Variants in MTIF2 observed in about 807,000 individuals in gnomAD.
MTIF2 encodes mitochondrial translational initiation factor 2, also known as translation initiation factor IF-2, mitochondrial.
A neutral mutation model predicts 83.5 loss-of-function variants in MTIF2; 71 were observed. The ratio of observed to expected loss-of-function variants is 0.85; its 90% CI spans 0.70 to 1.04. MTIF2 has a LOEUF of 1.04. Ranked by LOEUF, MTIF2 falls within the 50% of genes least tolerant of loss-of-function variation. The pLI is 0.00. For synonymous variants in MTIF2, 319 were observed against 287.1 expected (o/e 1.11, Z -1.12); for missense variants, 957 against 846.5 (o/e 1.13, Z -1.62).
Position 55,254,741 on chromosome 2 carries a change from T to C in MTIF2, c.416A>G (p.Lys139Arg). 1.9e-6 allele frequency: 3 copies of C among 1,611,460 alleles called. No individual in the cohort carries two copies. The highest frequency in any genetic ancestry group is 2.5e-6 in the Non-Finnish European group (3 of 1,178,936). The change falls in exon 6 of 16, where the codon AAA (lysine) becomes AGA (arginine). Residue 139 changes from lysine (K) to arginine (R), a missense_variant. Physicochemically the swap from Lys to Arg is conservative, Grantham distance 26. This residue lies in a region of MTIF2 where 733 missense variants were observed against 648.7 expected (regional missense o/e 1.13). Transcript: ENST00000263629. ...CATCCCTGCCTTCGTTATCACTTCT[T>C]TGATCCAGACTTCATCTAAATGTGA... is the stretch of plus-strand genomic sequence containing the variant. The part of the protein sequence containing the change: ...ADSHLDEVWI[K>R]EVITKAGMKL...
At position 55,262,444 on chromosome 2, in the gene MTIF2, A is replaced by G. The variant is rs1406751126; in HGVS notation, c.220-17T>C. On this transcript the variant is annotated splice_polypyrimidine_tract_variant and intron_variant, in intron 4 of 15. Coordinates refer to ENST00000263629, the MANE Select transcript of MTIF2 (RefSeq NM_002453.3). ...TCCTTCTTCCTATTAAAAAAATCAG[A>G]ACATATAAACAAAAAGGAAGAAAAA... The G allele has an allele frequency of 6.5e-7, 1 of 1,535,390 alleles. No individual in the cohort carries two copies. Among genetic ancestry groups the G allele is most frequent in the Non-Finnish European group, 8.9e-7 (1 of 1,120,604 alleles).
Position 55,252,623 on chromosome 2 carries a change from A to C in MTIF2, c.695T>G (p.Phe232Cys). The C allele has an allele frequency of 6.2e-7, 1 of 1,613,520 alleles. No homozygotes were observed. The highest frequency in any genetic ancestry group is 8.5e-7 in the Non-Finnish European group (1 of 1,179,718). Residue 232 changes from phenylalanine (F) to cysteine (C), a missense_variant, in exon 8 of 16, where the codon TTT becomes TGT. Coordinates refer to ENST00000263629, the MANE Select transcript of MTIF2 (RefSeq NM_002453.3). Reference protein sequence around the residue: ...VSLPSGEKITFLDTPGHAAFS... With the variant: ...VSLPSGEKITCLDTPGHAAFS... ...AGCAGCATGTCCTGGAGTATCAAGA[A>C]AAGTTATCTTTTCCCCAGAAGGCAG... is the stretch of plus-strand genomic sequence containing the variant.
intron 3 of MTIF2, among the ~76,000 whole-genome samples, chr2:55,265,722 G>C (rs1324918133): frequency 1.3e-5 from 2 of 151,670 alleles, no homozygotes; most frequent in Admixed American, 6.6e-5. Flanking sequence ...TATTAATTTT[G>C]TTTTACAACT....
intron 5 of MTIF2, among the ~76,000 whole-genome samples, chr2:55,258,566 C>T (rs571037553): frequency 6.6e-6 from 1 of 152,152 alleles, no homozygotes; most frequent in South Asian, 2.1e-4. Flanking sequence ...AATCCCAGAA[C>T]TTTGGGAGGC....
chr2:55,254,545 CAT>C lies in MTIF2; in HGVS notation c.503+107_503+108del, dbSNP rs112065242. 44 of 913,872 alleles carry C rather than the reference CAT, an allele frequency of 4.8e-5. 1 individual carries two copies. The highest frequency in any genetic ancestry group is 2.4e-4 in the South Asian group (12 of 49,250). 56.6% of individuals were successfully genotyped at this position (913,872 alleles called of 1,614,324 possible). Reference sequence around the variant, plus strand: ...TTAAGTACTTCGAAGTTTATACACACATATCTTTATTACAAAAGAAATTTTAA... The same window carrying C: ...TTAAGTACTTCGAAGTTTATACACACATCTTTATTACAAAAGAAATTTTAA... On this transcript the variant is annotated intron_variant, in intron 6 of 15. Coordinates refer to ENST00000263629, the MANE Select transcript of MTIF2 (RefSeq NM_002453.3).
intron 3 of MTIF2, 113 bp from the exon 4 acceptor site, chr2:55,263,978 CAAT>C (rs1678240223): frequency 3.8e-6 from 3 of 780,276 alleles, no homozygotes; most frequent in East Asian, 2.6e-5. Flanking sequence ...AGACTTACAA[CAAT>C]GAGTAAAACT....
chr2:55,252,723 C>T (rs778803970), intron 7 of MTIF2, 70 bp from the exon 8 acceptor site: 18 of 1,069,162 alleles, frequency 1.7e-5, no homozygotes, highest in Admixed American at 7.5e-5. Flanking sequence ...AGAATATATG[C>T]GACATTATCA....
At chr2:55,254,852 A>G (rs552262884) in intron 5 of MTIF2, 27 bp from the exon 6 acceptor site, 1 of 1,409,134 alleles carries the variant, frequency 7.1e-7, no homozygotes, top group Admixed American at 2.7e-5. Context: ...AAAACCTTTT[A>G]GGATCATTAA....
intron 13 of MTIF2, 80 bp from the exon 14 acceptor site, chr2:55,240,255 G>C: frequency 7.7e-7 from 1 of 1,298,772 alleles, no homozygotes; most frequent in Non-Finnish European, 1.1e-6. Flanking sequence ...GCAGAAACTT[G>C]AATCTAAATT....
chr2:55,260,910 G>A (rs1053669217), intron 5 of MTIF2, among the ~76,000 whole-genome samples: 4 of 151,582 alleles, frequency 2.6e-5, no homozygotes, highest in East Asian at 3.9e-4. Flanking sequence ...CACAATGAAG[G>A]AATATAAAAA....
At chr2:55,256,119 C>CCT (rs1411268012) in intron 5 of MTIF2, among the ~76,000 whole-genome samples, 1 of 152,154 alleles carries the variant, frequency 6.6e-6, no homozygotes, top group African/African-American at 2.4e-5. Context: ...AGGTGATCCG[C>CCT]CTGCCTCGGC....
chr2:55,242,597 G>A (rs1676405083), intron 13 of MTIF2, among the ~76,000 whole-genome samples: 1 of 152,184 alleles, frequency 6.6e-6, no homozygotes, highest in Non-Finnish European at 1.5e-5. Flanking sequence ...GGAACATTCA[G>A]AAGTCTGATG....
intron 4 of MTIF2, 111 bp from the exon 5 acceptor site, chr2:55,262,538 TTTC>T (rs1281765078): frequency 1.7e-5 from 8 of 483,992 alleles, no homozygotes; most frequent in South Asian, 9.0e-5. Flanking sequence ...TTTCTTTTTT[TTTC>T]TTTTTTTTTT....
At chr2:55,254,009 C>T (rs768836843) in intron 7 of MTIF2, 32 bp downstream of exon 7, 2 of 1,608,440 alleles carry the variant, frequency 1.2e-6, no homozygotes, top group Non-Finnish European at 1.7e-6. Flanking sequence ...GTGGGGTTCC[C>T]AAGCACATTG....
rs1268583971 is a variant in MTIF2 at position 55,237,347 on chromosome 2, C to T, written c.1952G>A (p.Gly651Glu). 1 of 1,612,962 alleles carries T rather than the reference C, an allele frequency of 6.2e-7. No homozygotes were observed. The highest frequency in any genetic ancestry group is 1.7e-5 in the Admixed American group (1 of 59,980). Residue 651 changes from glycine to glutamate, a missense_variant, in exon 15 of 16, where the codon GGA becomes GAA. Gly to Glu is a moderately conservative substitution (Grantham distance 98, BLOSUM62 -2). This residue lies in a region of MTIF2 where 221 missense variants were observed against 180.6 expected (regional missense o/e 1.22). Transcript: ENST00000263629. ...AAATTTTTTTTGTTTTTCTAACTGT[C>T]CCTTTTGGACTCTGCAGCCAGCCAC... ...VPVAGCRVQKGQLEKQKKFKL... is the reference protein window; with the variant it reads ...VPVAGCRVQKEQLEKQKKFKL...
chr2:55,238,541 G>A (rs778045437), intron 14 of MTIF2, among the ~76,000 whole-genome samples: 45 of 152,056 alleles, frequency 3.0e-4, no homozygotes, highest in Middle Eastern at 6.8e-3. Context: ...ACAGGAATGC[G>A]CCACCACGCC....
chr2:55,258,975 T>A (rs1677755650), intron 5 of MTIF2, among the ~76,000 whole-genome samples: 1 of 152,004 alleles, frequency 6.6e-6, no homozygotes, highest in Non-Finnish European at 1.5e-5. Flanking sequence ...AGTGAAACTC[T>A]GTTCAAAAAA....
At chr2:55,249,228 TCCTAA>T (rs1214635215) in intron 9 of MTIF2, among the ~76,000 whole-genome samples, 162 bp downstream of exon 9, 1 of 152,166 alleles carries the variant, frequency 6.6e-6, no homozygotes, top group Non-Finnish European at 1.5e-5. Context: ...TGAGCCTAAC[TCCTAA>T]CATGCCAAAC....
At chr2:55,261,751 C>T (rs1204754035) in intron 5 of MTIF2, among the ~76,000 whole-genome samples, 1 of 151,728 alleles carries the variant, frequency 6.6e-6, no homozygotes, top group African/African-American at 2.4e-5. Flanking sequence ...CCAGCCTAGA[C>T]AACATAGTGA....
Sources: gnomAD v4.1 joint callset for allele counts (sites outside exome capture counted in the v4.1 genomes callset) on GRCh38, gnomAD v4.1.1 for gene constraint, gnomAD v4.1.1 regional missense constraint, MANE v1.5 for transcripts, NCBI Gene and HGNC (gene_info 2026-07-23, HGNC 2026-07-21) for gene names.